SAMSN1: variants seen among roughly 807,000 people sequenced by gnomAD.
The protein encoded by SAMSN1 is SAM domain-containing protein SAMSN-1.
In SAMSN1, 31 loss-of-function variants were observed where a neutral mutation model predicts 42.0. The observed-to-expected ratio is 0.74, with a 90% CI of 0.55 to 1.00. SAMSN1 has a LOEUF of 1.00. SAMSN1 is among the 50% of genes least tolerant of loss of function. The pLI, the probability that SAMSN1 is intolerant of heterozygous loss-of-function variation, is 0.00. For missense variants in SAMSN1, 464 were observed against 439.4 expected (o/e 1.06, Z -0.50); for synonymous variants, 178 against 151.9 (o/e 1.17, Z -1.26).
intron 6 of SAMSN1, among the ~76,000 whole-genome samples, chr21:14,596,742 G>A (rs1982275792): frequency 6.6e-6 from 1 of 152,014 alleles, no homozygotes; most frequent in Non-Finnish European, 1.5e-5. Context: ...CCTACCTATA[G>A]CCATGAGAGG....
At chr21:14,601,650 G>T (rs140213399) in intron 6 of SAMSN1, among the ~76,000 whole-genome samples, 1 of 152,204 alleles carries the variant, frequency 6.6e-6, no homozygotes, top group East Asian at 1.9e-4. Flanking sequence ...AAACTCCTGG[G>T]CTAATTAATG....
chr21:14,584,011 T>TTTA (rs1981843911), upstream of SAMSN1, among the ~76,000 whole-genome samples: 1 of 151,666 alleles, frequency 6.6e-6, no homozygotes, highest in Non-Finnish European at 1.5e-5. Context: ...TTTTTTTTTT[T>TTTA]ACTTCAAAAT....
At chr21:14,586,279 G>GA (rs57194288), upstream of SAMSN1, among the ~76,000 whole-genome samples, 5 of 126,356 alleles carry the variant, frequency 4.0e-5, no homozygotes, top group African/African-American at 6.2e-5. Flanking sequence ...AAAAAAAAAA[G>GA]AAAAAGAAAA....
In SAMSN1 at chr21:14,569,993, C is replaced by A. The variant is rs565687522; in HGVS notation, c.261+12143G>T. On this transcript the variant is annotated intron_variant, in intron 2 of 8. Coordinates refer to the SAMSN1 transcript ENST00000285670. ...GTGTCTTTAACCACTTTCCCCCCCC[C>A]CAGTTTTTCACTTGACACCTTGTCA... 1.2e-4 allele frequency among the ~76,000 whole-genome samples: 18 copies of A among 151,982 alleles called. 1 individual carries two copies. In the South Asian group the frequency reaches 2.3e-3, roughly 19 times the overall value.
At chr21:14,586,277 A>AG (rs1178757461), upstream of SAMSN1, among the ~76,000 whole-genome samples, 12 of 147,340 alleles carry the variant, frequency 8.1e-5, 1 homozygote, top group Non-Finnish European at 1.5e-4. Context: ...AAAAAAAAAA[A>AG]AGAAAAAGAA....
At position 14,607,216 on chromosome 21, in the gene SAMSN1, C is replaced by A. The variant is rs534608654; in HGVS notation, c.322+2266G>T. 8.0e-4 allele frequency among the ~76,000 whole-genome samples: 122 copies of A among 152,224 alleles called. 1 individual carries two copies. Among genetic ancestry groups the A allele is most frequent in the Admixed American group, 2.4e-3 (36 of 15,286 alleles). ...TATCTCACTGAACTCCACAGACTGC[C>A]TATCCTCAGGCACAGGAAACTACTC... On this transcript the variant is annotated intron_variant, in intron 5 of 15. Coordinates refer to the SAMSN1 transcript ENST00000647101.
chr21:14,603,553 T>C (rs977468186), intron 5 of SAMSN1, among the ~76,000 whole-genome samples: 2 of 152,196 alleles, frequency 1.3e-5, no homozygotes, highest in Non-Finnish European at 2.9e-5. Context: ...TGGCCTATTA[T>C]GCAGCATAAA....
At chr21:14,655,712 A>G (rs913416649) in intron 1 of SAMSN1, among the ~76,000 whole-genome samples, 4 of 151,846 alleles carry the variant, frequency 2.6e-5, no homozygotes. Context: ...AAATAATTAT[A>G]TGAGCATTAG....
chr21:14,646,044 A>C (rs934599588), intron 1 of SAMSN1, among the ~76,000 whole-genome samples: 3 of 152,216 alleles, frequency 2.0e-5, no homozygotes, highest in Non-Finnish European at 4.4e-5. Context: ...GGGCAAATCT[A>C]AGAGTTATTG....
chr21:14,504,486 A>G (rs116319820), intron 5 of SAMSN1, among the ~76,000 whole-genome samples: 3,425 of 152,340 alleles, frequency 0.022, 78 homozygotes, highest in South Asian at 0.12. Context: ...ACAGAATTGA[A>G]TAAGTAGAAG....
At chr21:14,630,742 T>C (rs1287137108) in intron 2 of SAMSN1, among the ~76,000 whole-genome samples, 1 of 152,232 alleles carries the variant, frequency 6.6e-6, no homozygotes, top group African/African-American at 2.4e-5. Flanking sequence ...AAAGATTACG[T>C]GCACTGTTTT....
chr21:14,600,114 C>T (rs183000912), intron 6 of SAMSN1, among the ~76,000 whole-genome samples: 1 of 152,196 alleles, frequency 6.6e-6, no homozygotes, highest in East Asian at 1.9e-4. Context: ...TGGAAAAACA[C>T]TTATCTGATA....
intron 2 of SAMSN1, among the ~76,000 whole-genome samples, chr21:14,569,679 G>A (rs546567837): frequency 2.8e-4 from 42 of 152,076 alleles, no homozygotes; most frequent in Non-Finnish European, 5.1e-4. Context: ...ACATAAAATG[G>A]GAACTGGCCA....
chr21:14,571,312 A>G (rs532909032), intron 2 of SAMSN1, among the ~76,000 whole-genome samples: 16 of 152,280 alleles, frequency 1.1e-4, no homozygotes, highest in African/African-American at 3.8e-4. Flanking sequence ...ATTTTAACGT[A>G]TCTTGTGCCC....
intron 1 of SAMSN1, among the ~76,000 whole-genome samples, chr21:14,646,546 A>G (rs985688971): frequency 9.9e-5 from 15 of 152,218 alleles, no homozygotes; most frequent in African/African-American, 3.4e-4. Flanking sequence ...AGAAAAGGAC[A>G]GTAATGAGCA....
upstream of SAMSN1, chr21:14,583,845 A>C: frequency 1.5e-6 from 1 of 660,672 alleles, no homozygotes; most frequent in East Asian, 2.8e-5. Context: ...AAATATGTTG[A>C]GATCATAAAT....
At chr21:14,597,118 T>C (rs1982290318) in intron 6 of SAMSN1, among the ~76,000 whole-genome samples, 1 of 152,140 alleles carries the variant, frequency 6.6e-6, no homozygotes, top group Non-Finnish European at 1.5e-5. Flanking sequence ...TTGGACTCTT[T>C]TTGTTTGTTT....
chr21:14,487,605 A>G (rs374397416), intron 7 of SAMSN1, among the ~76,000 whole-genome samples: 27 of 152,168 alleles, frequency 1.8e-4, no homozygotes, highest in African/African-American at 6.5e-4. Context: ...TAGAAGAAAA[A>G]TACTGGTTGA....
chr21:14,584,997 C>G (rs549599229), upstream of SAMSN1, among the ~76,000 whole-genome samples: 5 of 150,006 alleles, frequency 3.3e-5, no homozygotes, highest in Admixed American at 6.7e-5. Context: ...ATAGCACTTA[C>G]GTAGGAAATG....
Sources: gnomAD v4.1 joint callset for allele counts (sites outside exome capture counted in the v4.1 genomes callset) on GRCh38, gnomAD v4.1.1 for gene constraint, MANE v1.5 for transcripts, NCBI Gene and HGNC (gene_info 2026-07-23, HGNC 2026-07-21) for gene names.